TRAFD1: variants seen among roughly 807,000 people sequenced by gnomAD.
TRAFD1 encodes the protein TRAF-type zinc finger domain-containing protein 1.
Under a neutral mutation model 65.3 loss-of-function variants are expected in TRAFD1, and 38 were observed. That is an observed-to-expected ratio of 0.58 (90% CI 0.45 to 0.76). TRAFD1 has a LOEUF of 0.76. Ranked by LOEUF, TRAFD1 falls within the 30% of genes least tolerant of loss-of-function variation. The pLI is 0.00. For synonymous variants in TRAFD1, 223 were observed against 257.2 expected (o/e 0.87, Z 1.27); for missense variants, 631 against 712.6 (o/e 0.89, Z 1.30).
At chr12:112,140,279 G>GT (rs1424277732) in intron 4 of TRAFD1, 5 of 177,108 alleles carry the variant, frequency 2.8e-5, no homozygotes, top group African/African-American at 1.2e-4. Flanking sequence ...AATTAAGTGG[G>GT]TGTGGTGGTG....
Position 112,148,186 on chromosome 12 carries a change from G to A in TRAFD1, c.1040G>A (p.Ser347Asn), listed in dbSNP as rs930872343. The A allele has an allele frequency of 2.5e-6, 4 of 1,614,192 alleles. No individual in the cohort carries two copies. The South Asian group carries it at 4.4e-5, about 18-fold the overall frequency. ...IFQNFLQQAA[S>N]NQLDSLMGLS... ...CAGAACTTCTTGCAACAGGCTGCAA[G>A]TAACCAGTTAGACTCTTTGATGGGC... is the stretch of plus-strand genomic sequence containing the variant. Residue 347 changes from serine to asparagine, a missense_variant, in exon 8 of 12, where the codon AGT becomes AAT. Transcript: ENST00000412615.
At chr12:112,129,276 A>T (rs1357804106) in intron 1 of TRAFD1, among the ~76,000 whole-genome samples, 1 of 138,448 alleles carries the variant, frequency 7.2e-6, no homozygotes, top group African/African-American at 2.7e-5. Context: ...ATCACTGCTC[A>T]CTGCAGCTTT....
rs1566052589 is a variant in TRAFD1 at position 112,152,447 on chromosome 12, G to T, written c.1640G>T (p.Arg547Met). The change falls in exon 11 of 12, where the codon AGG (arginine) becomes ATG (methionine). Residue 547 changes from arginine (R) to methionine (M), a missense_variant. Arg to Met is a moderately conservative substitution (Grantham distance 91, BLOSUM62 -1). Transcript: ENST00000412615. The surrounding 1 kb of genome is among the most constrained non-coding windows in gnomAD (Gnocchi z 5.0). ...TTCAGTGGTAGGAGTGAAGGTGGCA[G>T]GAATTCCCGGGTCACCCCTGCAGCT... The part of the protein sequence containing the change: ...YGASGRSEGG[R>M]NSRVTPAAAN... 1 of 1,613,674 alleles carries T rather than the reference G, an allele frequency of 6.2e-7. No individual in the cohort carries two copies. Among genetic ancestry groups the T allele is most frequent in the South Asian group, 1.1e-5 (1 of 91,080 alleles).
At chr12:112,147,255 C>T (rs12826920) in intron 7 of TRAFD1, among the ~76,000 whole-genome samples, 1 of 151,882 alleles carries the variant, frequency 6.6e-6, no homozygotes, top group African/African-American at 2.4e-5. Flanking sequence ...CTTCAGCCTC[C>T]CAAAGTGCTG....
At position 112,152,836 on chromosome 12, in the gene TRAFD1, A is replaced by G. The variant is rs73207615; in HGVS notation, c.*45A>G. Reference sequence around the variant, plus strand: ...ACATCGGTTCCTGTCTTCTGTGCACAGCAGCACTTGCCGCTGTGCAGGCCC... The same window carrying G: ...ACATCGGTTCCTGTCTTCTGTGCACGGCAGCACTTGCCGCTGTGCAGGCCC... On this transcript the variant is annotated 3_prime_UTR_variant, in exon 12 of 12. Coordinates refer to ENST00000412615, the MANE Select transcript of TRAFD1 (RefSeq NM_006700.3). This position sits in a 1 kb window ranked among gnomAD's most constrained non-coding sequence, Gnocchi z 5.0. The G allele has an allele frequency of 0.039, 63,265 of 1,610,226 alleles. 1,434 individuals are homozygous for G. Among genetic ancestry groups the G allele is most frequent in the Non-Finnish European group, 0.046 (54,481 of 1,177,698 alleles).
rs772531946 is a variant in TRAFD1 at position 112,152,111 on chromosome 12, C to T, written c.1590C>T (p.Ser530=). The change falls in exon 10 of 12, where the codon TCC becomes TCT. Residue 530 remains serine, a synonymous_variant. Coordinates refer to ENST00000412615, the MANE Select transcript of TRAFD1 (RefSeq NM_006700.3). The surrounding 1 kb of genome is among the most constrained non-coding windows in gnomAD (Gnocchi z 5.0). ...LYPENIVPSF[S]PGPSGRYGAS... Reference sequence around the variant, plus strand: ...CAGAAAACATTGTGCCCTCTTTCTCCCCTGGGCCTTCAGGGAGATACGGAG... The same window carrying T: ...CAGAAAACATTGTGCCCTCTTTCTCTCCTGGGCCTTCAGGGAGATACGGAG... The T allele has an allele frequency of 1.9e-6, 3 of 1,613,482 alleles. No individual in the cohort carries two copies. Among genetic ancestry groups the T allele is most frequent in the Non-Finnish European group, 2.5e-6 (3 of 1,179,512 alleles).
Position 112,151,925 on chromosome 12 carries a change from A to G in TRAFD1, c.1404A>G (p.Ser468=). Residue 468 remains serine (S), a synonymous_variant, in exon 10 of 12, where the codon TCA becomes TCG. Coordinates refer to ENST00000412615, the MANE Select transcript of TRAFD1 (RefSeq NM_006700.3). ...CTACCTATAACCAGCTATCGAGATC[A>G]ACATCAGGCCCCAGACCTGGGTGCC... is the stretch of plus-strand genomic sequence containing the variant. ...MTATYNQLSR[S]TSGPRPGCQP... 6.2e-7 allele frequency: 1 copy of G among 1,614,172 alleles called. No individual in the cohort carries two copies. Among genetic ancestry groups the G allele is most frequent in the Non-Finnish European group, 8.5e-7 (1 of 1,180,026 alleles).
Position 112,145,836 on chromosome 12 carries a change from T to C in TRAFD1, c.927+174T>C, listed in dbSNP as rs75420671. ...TACAGATATGAAAACTTAGCCTTGT[T>C]CCTTCTTAGAAAAAGTGATGGCATC... On this transcript the variant is annotated intron_variant, in intron 7 of 11. Transcript: ENST00000412615. 1.4e-4 allele frequency among the ~76,000 whole-genome samples: 21 copies of C among 152,322 alleles called. No individual in the cohort carries two copies. In the East Asian group the frequency reaches 3.1e-3, roughly 22 times the overall value.
Position 112,152,262 on chromosome 12 carries a change from A to T in TRAFD1, c.1619+122A>T. The T allele has an allele frequency of 1.4e-6, 2 of 1,412,370 alleles. No homozygotes were observed. The highest frequency in any genetic ancestry group is 1.9e-6 in the Non-Finnish European group (2 of 1,037,650). 87.5% of individuals were successfully genotyped at this position (1,412,370 alleles called of 1,614,324 possible). ...GTACTTGCATGGTAAGGGGAGGAGT[A>T]TGGATTTTCCCTGTATTGTCACCTG... On this transcript the variant is annotated intron_variant, in intron 10 of 11. Transcript: ENST00000412615. This position sits in a 1 kb window ranked among gnomAD's most constrained non-coding sequence, Gnocchi z 5.0.
Position 112,141,155 on chromosome 12 carries a change from G to C in TRAFD1, c.574G>C (p.Asp192His). Residue 192 changes from aspartate (D) to histidine (H), a missense_variant, in exon 5 of 12, where the codon GAT (aspartate) becomes CAT (histidine). Asp to His is a moderately conservative substitution (Grantham distance 81, BLOSUM62 -1). Coordinates refer to ENST00000412615, the MANE Select transcript of TRAFD1 (RefSeq NM_006700.3). ...AAGGCCCCTGAGAGCCTTTGAATCAGATGTTTTCCACAATAGAACTACCAA... is the reference window on the plus strand; with the variant it reads ...AAGGCCCCTGAGAGCCTTTGAATCACATGTTTTCCACAATAGAACTACCAA... ...PRRPLRAFES[D>H]VFHNRTTNQR... 7 of 1,614,180 alleles carry C rather than the reference G, an allele frequency of 4.3e-6. No homozygotes were observed. Among genetic ancestry groups the C allele is most frequent in the Non-Finnish European group, 5.9e-6 (7 of 1,180,032 alleles).
chr12:112,145,659 T>C lies in TRAFD1; in HGVS notation c.924T>C (p.His308=), dbSNP rs2136978885. ...ELYPEELLID[H]QTSCNPSRAL... is the part of the protein sequence containing the mutation. ...ACCCAGAGGAACTGCTGATTGACCA[T>C]CAGGTGTGTTATGAATTACTTGAGG... Residue 308 remains histidine (H), a synonymous_variant, in exon 7 of 12, where the codon CAT becomes CAC. Transcript: ENST00000412615. The C allele has an allele frequency of 6.2e-7, 1 of 1,614,112 alleles. No homozygotes were observed. The highest frequency in any genetic ancestry group is 1.6e-4 in the Middle Eastern group (1 of 6,062).
chr12:112,133,199 A>T (rs553738413), intron 2 of TRAFD1: 1 of 152,300 alleles, frequency 6.6e-6, no homozygotes, highest in Admixed American at 6.5e-5. Flanking sequence ...AAGTGGAGAG[A>T]CCAGACTGGT....
intron 1 of TRAFD1, among the ~76,000 whole-genome samples, chr12:112,128,335 A>G (rs1209888488): frequency 6.6e-6 from 1 of 152,224 alleles, no homozygotes; most frequent in Non-Finnish European, 1.5e-5. Flanking sequence ...AAGCATGTTG[A>G]ACAAATGACT....
At chr12:112,143,681 T>G (rs1455455023) in intron 6 of TRAFD1, among the ~76,000 whole-genome samples, 2 of 152,072 alleles carry the variant, frequency 1.3e-5, no homozygotes, top group Non-Finnish European at 2.9e-5. Flanking sequence ...ACCTCCTAAT[T>G]TTTAAAATAA....
chr12:112,141,996 T>C, intron 5 of TRAFD1, 93 bp from the exon 6 acceptor site: 1 of 1,421,554 alleles, frequency 7.0e-7, no homozygotes, highest in Non-Finnish European at 9.7e-7. Context: ...CCCGGATGCC[T>C]GTAAACCTTG....
chr12:112,138,705 A>G, intron 4 of TRAFD1, among the ~76,000 whole-genome samples: 1 of 149,856 alleles, frequency 6.7e-6, no homozygotes. Context: ...TAAAAATACA[A>G]AAATTAGCCA....
intron 9 of TRAFD1, among the ~76,000 whole-genome samples, chr12:112,150,304 C>T (rs1167373098): frequency 6.6e-6 from 1 of 152,098 alleles, no homozygotes; most frequent in Non-Finnish European, 1.5e-5. Flanking sequence ...GGCTGGAGTA[C>T]AGTGGCACAA....
intron 4 of TRAFD1, among the ~76,000 whole-genome samples, chr12:112,139,804 A>C (rs988860130): frequency 2.0e-5 from 3 of 152,100 alleles, no homozygotes; most frequent in Admixed American, 6.5e-5. Context: ...TTTGAGACCA[A>C]CTTGGCTAAC....
At chr12:112,140,008 T>C (rs557350616) in intron 4 of TRAFD1, 58 of 185,586 alleles carry the variant, frequency 3.1e-4, no homozygotes, top group Non-Finnish European at 5.2e-4. Flanking sequence ...AGCAAGACTT[T>C]CTCAAAAAAT....
Sources: allele counts gnomAD v4.1 joint callset (sites outside exome capture counted in the v4.1 genomes callset), GRCh38; gene constraint gnomAD v4.1.1; non-coding constraint Gnocchi (gnomAD v3.1); transcripts MANE v1.5; gene names NCBI Gene and HGNC (gene_info 2026-07-23, HGNC 2026-07-21).